Variants in AUTS2 observed in about 807,000 individuals in gnomAD.
AUTS2 encodes the protein activator of transcription and developmental regulator AUTS2, also known as autism susceptibility gene 2 protein.
A neutral mutation model predicts 112.4 loss-of-function variants in AUTS2; 17 were observed. The ratio of observed to expected loss-of-function variants is 0.15; its 90% CI spans 0.10 to 0.23. The LOEUF is 0.23. Among genes scored for constraint, AUTS2 ranks in the 10% least tolerant of loss-of-function variants. The pLI is 1.00. For missense variants in AUTS2, 1,510 were observed against 1,701.6 expected, an observed-to-expected ratio of 0.89 and a Z score of 1.98; for synonymous variants, 751 against 702.7, an observed-to-expected ratio of 1.07 and a Z score of -1.09.
chr7:70,102,573 T>A (rs1203828753), intron 2 of AUTS2, among the ~76,000 whole-genome samples: 1 of 152,110 alleles, frequency 6.6e-6, no homozygotes, highest in Non-Finnish European at 1.5e-5. Flanking sequence ...ATTGTAGGTA[T>A]AAGCACTGGA....
In AUTS2 at chr7:70,491,222, T is replaced by A. The variant is rs543154863; in HGVS notation, c.690+55441T>A. On this transcript the variant is annotated intron_variant, in intron 5 of 18. Transcript: ENST00000342771. ...TCCTTATTCTCTCATTATCACACAC[T>A]CTCTCTCTCTATCTCTGTCTTTCAT... 3.4e-3 allele frequency among the ~76,000 whole-genome samples: 511 copies of A among 152,020 alleles called. 8 individuals carry two copies. The highest frequency in any genetic ancestry group is 0.019 in the Admixed American group (284 of 15,262).
At chr7:70,731,603 A>G (rs1056006857) in intron 6 of AUTS2, among the ~76,000 whole-genome samples, 14 of 150,918 alleles carry the variant, frequency 9.3e-5, no homozygotes, top group Non-Finnish European at 1.9e-4. Context: ...CTAATTTTTT[A>G]TATTTTTAGT....
intron 1 of AUTS2, among the ~76,000 whole-genome samples, chr7:69,720,714 A>G (rs1047307342): frequency 6.6e-6 from 1 of 152,186 alleles, no homozygotes; most frequent in African/African-American, 2.4e-5. Flanking sequence ...ATAAGTCAGT[A>G]TATTGCTTTT....
chr7:69,624,119 A>T (rs565339938), intron 1 of AUTS2, among the ~76,000 whole-genome samples: 1 of 152,318 alleles, frequency 6.6e-6, no homozygotes, highest in East Asian at 1.9e-4. Flanking sequence ...CTGTCTATTA[A>T]TGCTCACAGC....
At chr7:69,683,167 T>C (rs1208454639) in intron 1 of AUTS2, among the ~76,000 whole-genome samples, 3 of 152,182 alleles carry the variant, frequency 2.0e-5, no homozygotes, top group Non-Finnish European at 2.9e-5. Context: ...ACCAGGCTTG[T>C]CATTCACATA....
chr7:69,816,400 G>T (rs1332933687), intron 1 of AUTS2, among the ~76,000 whole-genome samples: 1 of 152,154 alleles, frequency 6.6e-6, no homozygotes, highest in Non-Finnish European at 1.5e-5. Context: ...TTTTGTCTAG[G>T]ACGGAGCTGA....
intron 4 of AUTS2, among the ~76,000 whole-genome samples, chr7:70,364,184 A>C (rs946201853): frequency 1.7e-4 from 26 of 152,154 alleles, no homozygotes; most frequent in Admixed American, 7.9e-4. Flanking sequence ...CTAAAAAAGC[A>C]TTCTAGTTGT....
At chr7:70,592,672 C>G (rs1389276383) in intron 5 of AUTS2, among the ~76,000 whole-genome samples, 1 of 152,018 alleles carries the variant, frequency 6.6e-6, no homozygotes, top group Non-Finnish European at 1.5e-5. Flanking sequence ...GCCTGCCTGT[C>G]TTTTACTGAA....
At chr7:70,715,143 G>A (rs2129550457) in intron 6 of AUTS2, among the ~76,000 whole-genome samples, 1 of 152,294 alleles carries the variant, frequency 6.6e-6, no homozygotes, top group South Asian at 2.1e-4. Flanking sequence ...AAAAGTAAAT[G>A]CTCAATTCTC....
Position 70,790,181 on chromosome 7 carries a change from G to T in AUTS2, c.2965G>T (p.Asp989Tyr), listed in dbSNP as rs377538146. 2 of 1,612,440 alleles carry T rather than the reference G, an allele frequency of 1.2e-6. No individual in the cohort carries two copies. The highest frequency in any genetic ancestry group is 3.3e-5 in the Admixed American group (2 of 60,000). The stretch of plus-strand genomic sequence containing the variant: ...CAAGGTGAAGGAGGAGCGGAAGGAA[G>T]ACCATGACCTGCCTCCAGAGGCCCC... ...EVKVKEERKE[D>Y]HDLPPEAPQT... The change falls in exon 19 of 19, where the codon GAC becomes TAC. Residue 989 changes from aspartate (D) to tyrosine (Y), a missense_variant. By Grantham distance (160) the Asp-to-Tyr change is radical (BLOSUM62 -3). Coordinates refer to ENST00000342771, the MANE Select transcript of AUTS2 (RefSeq NM_015570.4). The surrounding 1 kb of genome is among the most constrained non-coding windows in gnomAD (Gnocchi z 7.6).
chr7:70,001,591 G>A (rs2129552759), intron 2 of AUTS2, among the ~76,000 whole-genome samples: 1 of 152,154 alleles, frequency 6.6e-6, no homozygotes, highest in East Asian at 1.9e-4. Flanking sequence ...GGGAAAGTAA[G>A]GTTTCACAGA....
At position 69,697,288 on chromosome 7, in the gene AUTS2, C is replaced by T. The variant is rs185208828; in HGVS notation, c.309+97326C>T. ...GGGCAAATGAACTGAATTGTATAGG[C>T]TTCCTTTTCTTTTACAAGAAGCATT... On this transcript the variant is annotated intron_variant, in intron 1 of 18. Transcript: ENST00000342771. 2.6e-5 allele frequency among the ~76,000 whole-genome samples: 4 copies of T among 152,330 alleles called. No individual in the cohort carries two copies. The East Asian group carries it at 7.7e-4, about 29-fold the overall frequency.
At chr7:69,977,821 T>A (rs1563010000) in intron 2 of AUTS2, among the ~76,000 whole-genome samples, 1 of 152,214 alleles carries the variant, frequency 6.6e-6, no homozygotes, top group East Asian at 1.9e-4. Context: ...ATCGGATATA[T>A]GAGACCTATA....
intron 4 of AUTS2, among the ~76,000 whole-genome samples, chr7:70,416,404 C>T (rs1188146208): frequency 6.6e-6 from 1 of 152,192 alleles, no homozygotes; most frequent in Non-Finnish European, 1.5e-5. Flanking sequence ...AATGACTGCA[C>T]ACTCAGCCTA....
chr7:70,457,664 G>A (rs1278259041), intron 5 of AUTS2, among the ~76,000 whole-genome samples: 1 of 152,182 alleles, frequency 6.6e-6, no homozygotes, highest in East Asian at 1.9e-4. Context: ...GGGTGGTGGA[G>A]GGAGTGGAAT....
intron 5 of AUTS2, among the ~76,000 whole-genome samples, chr7:70,527,755 G>A (rs923775293): frequency 6.6e-6 from 1 of 152,144 alleles, no homozygotes; most frequent in African/African-American, 2.4e-5. Context: ...GAATTCACTG[G>A]GGGGGAAGTG....
At chr7:70,533,340 C>T (rs1756805807) in intron 5 of AUTS2, among the ~76,000 whole-genome samples, 2 of 152,246 alleles carry the variant, frequency 1.3e-5, no homozygotes, top group South Asian at 4.2e-4. Context: ...TCTCAAACTC[C>T]TGGGCACACG....
intron 2 of AUTS2, among the ~76,000 whole-genome samples, chr7:70,068,389 T>A (rs1802597061): frequency 6.6e-6 from 1 of 151,960 alleles, no homozygotes; most frequent in Non-Finnish European, 1.5e-5. Context: ...TTTAACCGTG[T>A]TAGCCAGGAT....
chr7:70,408,591 T>G (rs1462065436), intron 4 of AUTS2, among the ~76,000 whole-genome samples: 2 of 152,196 alleles, frequency 1.3e-5, no homozygotes, highest in African/African-American at 4.8e-5. Flanking sequence ...GTGCTCAGCA[T>G]ACAATCCCTG....
Sources: allele counts gnomAD v4.1 joint callset (sites outside exome capture counted in the v4.1 genomes callset), GRCh38; gene constraint gnomAD v4.1.1; non-coding constraint Gnocchi (gnomAD v3.1); transcripts MANE v1.5; gene names NCBI Gene and HGNC (gene_info 2026-07-23, HGNC 2026-07-21).